The following DPT variants were observed in gnomAD, a reference collection of about 807,000 sequenced individuals.
DPT encodes dermatopontin.
DPT carries 21 observed loss-of-function variants against 31.2 expected under a neutral mutation model. The ratio of observed to expected loss-of-function variants is 0.67; its 90% confidence interval spans 0.48 to 0.97. The LOEUF (loss-of-function observed/expected upper bound fraction) is 0.97. Ranked by LOEUF, DPT falls within the 50% of genes least tolerant of loss-of-function variation. The probability of loss-of-function intolerance (pLI) is 0.00; values close to 1 mark genes in which losing one functional copy is unlikely to be tolerated. For synonymous variants in DPT, 91 were observed against 86.9 expected, an observed-to-expected ratio of 1.05 and a Z score of -0.26; for missense variants, 262 against 258.8, an observed-to-expected ratio of 1.01 and a Z score of -0.08.
intron 3 of DPT, among the ~76,000 whole-genome samples, chr1:168,698,545 G>C (rs1046993663): frequency 1.3e-5 from 2 of 152,184 alleles, no homozygotes; most frequent in Non-Finnish European, 2.9e-5. Context: ...GTCTTATGAA[G>C]ACCAAATGAT....
intron 1 of DPT, among the ~76,000 whole-genome samples, chr1:168,728,202 A>G (rs1361365330): frequency 1.3e-5 from 2 of 152,252 alleles, no homozygotes; most frequent in Non-Finnish European, 2.9e-5. Context: ...TTAGTAAACT[A>G]TTTTCCAGCA....
At chr1:168,727,873 A>G (rs1292076435) in intron 1 of DPT, among the ~76,000 whole-genome samples, 1 of 151,918 alleles carries the variant, frequency 6.6e-6, no homozygotes, top group Non-Finnish European at 1.5e-5. Flanking sequence ...TCCCCACTAC[A>G]CTAAGTACTT....
intron 1 of DPT, among the ~76,000 whole-genome samples, chr1:168,725,898 C>T (rs1239917545): frequency 1.3e-5 from 2 of 152,194 alleles, no homozygotes; most frequent in African/African-American, 4.8e-5. Flanking sequence ...AAACCATCAA[C>T]AACTGTTCCC....
At chr1:168,727,478 A>G (rs1277866585) in intron 1 of DPT, among the ~76,000 whole-genome samples, 1 of 150,620 alleles carries the variant, frequency 6.6e-6, no homozygotes, top group Non-Finnish European at 1.5e-5. Flanking sequence ...TGGATTTCCC[A>G]TCATCACCTC....
intron 1 of DPT, among the ~76,000 whole-genome samples, chr1:168,718,580 G>T (rs1650035453): frequency 2.0e-5 from 3 of 152,162 alleles, no homozygotes; most frequent in Admixed American, 1.3e-4. Context: ...CTTTGTGGGG[G>T]TACCTTTTCA....
intron 1 of DPT, among the ~76,000 whole-genome samples, chr1:168,715,286 T>C (rs2101907522): frequency 6.6e-6 from 1 of 152,348 alleles, no homozygotes; most frequent in African/African-American, 2.4e-5. Flanking sequence ...GTTCCATCTC[T>C]AGTATGATTT....
In DPT at chr1:168,696,445, G is replaced by A; in HGVS notation, c.*104C>T. The stretch of plus-strand genomic sequence containing the variant: ...TTACCAGCTCAGGGAGAAGGAAAGA[G>A]AGCAGCAGAAACTTCTATAGGAGAT... On this transcript the variant is annotated 3_prime_UTR_variant, in exon 4 of 4. Coordinates refer to ENST00000367817, the MANE Select transcript of DPT (RefSeq NM_001937.5). The A allele has an allele frequency of 1.0e-6, 1 of 952,632 alleles. No individual in the cohort carries two copies. Among genetic ancestry groups the A allele is most frequent in the Non-Finnish European group, 1.6e-6 (1 of 638,552 alleles). 59.0% of individuals were successfully genotyped at this position (952,632 alleles called of 1,614,324 possible).
At chr1:168,720,774 G>C (rs1287084645) in intron 1 of DPT, among the ~76,000 whole-genome samples, 2 of 152,150 alleles carry the variant, frequency 1.3e-5, no homozygotes, top group African/African-American at 4.8e-5. Flanking sequence ...CCCAAAGGTG[G>C]ATGAGGTCTT....
At chr1:168,696,945 A>C (rs1649481446) in intron 3 of DPT, among the ~76,000 whole-genome samples, 1 of 152,140 alleles carries the variant, frequency 6.6e-6, no homozygotes, top group South Asian at 2.1e-4. Context: ...TTTATTTAAC[A>C]TCATCTCCAT....
chr1:168,718,945 C>T (rs191018350), intron 1 of DPT, among the ~76,000 whole-genome samples: 1 of 152,242 alleles, frequency 6.6e-6, no homozygotes, highest in South Asian at 2.1e-4. Context: ...CTGCTGTTTC[C>T]CTAAAACAAA....
chr1:168,709,738 C>A (rs1649809006), intron 2 of DPT, among the ~76,000 whole-genome samples: 1 of 152,176 alleles, frequency 6.6e-6, no homozygotes, highest in Non-Finnish European at 1.5e-5. Context: ...GTCGTTCCCA[C>A]CCACATGGGT....
intron 2 of DPT, among the ~76,000 whole-genome samples, chr1:168,706,046 G>A (rs938487028): frequency 1.3e-5 from 2 of 152,168 alleles, no homozygotes; most frequent in African/African-American, 4.8e-5. Flanking sequence ...AAATTGCCCA[G>A]TCTCGGGTAT....
intron 1 of DPT, among the ~76,000 whole-genome samples, chr1:168,719,211 G>T (rs1264104934): frequency 1.3e-5 from 2 of 152,164 alleles, no homozygotes; most frequent in Admixed American, 1.3e-4. Context: ...TGGATCTTGG[G>T]TGAGCAATCC....
intron 1 of DPT, among the ~76,000 whole-genome samples, chr1:168,725,259 C>CCCTT (rs1364029258): frequency 1.7e-4 from 26 of 149,462 alleles, no homozygotes; most frequent in African/African-American, 6.0e-4. Context: ...CTTTCTCTTT[C>CCCTT]CCTTCCTTTC....
chr1:168,720,205 T>G (rs879058253), intron 1 of DPT, among the ~76,000 whole-genome samples: 2 of 151,892 alleles, frequency 1.3e-5, no homozygotes, highest in Admixed American at 1.3e-4. Context: ...GCCAAGAGAG[T>G]AACTGGAAGA....
rs541679979 is a variant in DPT at position 168,728,175 on chromosome 1, C to A, written c.305+695G>T. 2.0e-5 allele frequency among the ~76,000 whole-genome samples: 3 copies of A among 152,360 alleles called. No individual in the cohort carries two copies. The South Asian group carries it at 6.2e-4, about 32-fold the overall frequency. On this transcript the variant is annotated intron_variant, in intron 1 of 3. Transcript: ENST00000367817. Reference sequence around the variant, plus strand: ...AGAATGCAGTCAGGGGAAGACAGCACCTCTCTCCAAAACCCTTTAGTAAAC... The same window carrying A: ...AGAATGCAGTCAGGGGAAGACAGCAACTCTCTCCAAAACCCTTTAGTAAAC...
chr1:168,709,838 G>T (rs914448526), intron 2 of DPT, among the ~76,000 whole-genome samples: 1 of 152,168 alleles, frequency 6.6e-6, no homozygotes, highest in African/African-American at 2.4e-5. Context: ...CTGTGGGAAG[G>T]TGCAGGAAAA....
At chr1:168,713,676 A>T (rs984308200) in intron 2 of DPT, among the ~76,000 whole-genome samples, 1 of 152,234 alleles carries the variant, frequency 6.6e-6, no homozygotes, top group Non-Finnish European at 1.5e-5. Context: ...GAAACAAAAC[A>T]TCAGAGGCTG....
chr1:168,715,702 C>T (rs1274471062), intron 1 of DPT, among the ~76,000 whole-genome samples: 1 of 152,168 alleles, frequency 6.6e-6, no homozygotes, highest in African/African-American at 2.4e-5. Flanking sequence ...TTTGTTCTGC[C>T]CCCACACAGC....
Sources: gnomAD v4.1 joint callset for allele counts (sites outside exome capture counted in the v4.1 genomes callset) on GRCh38, gnomAD v4.1.1 for gene constraint, MANE v1.5 for transcripts, NCBI Gene and HGNC (gene_info 2026-07-23, HGNC 2026-07-21) for gene names.